The following DLGAP3 variants were observed in gnomAD, a reference collection of about 807,000 sequenced individuals.
DLGAP3 encodes the protein disks large-associated protein 3.
In DLGAP3, 17 loss-of-function variants were observed where a neutral mutation model predicts 81.2. The observed-to-expected ratio is 0.21, with a 90% CI of 0.14 to 0.31. The LOEUF (loss-of-function observed/expected upper bound fraction) is 0.31. DLGAP3 is among the 10% of genes least tolerant of loss of function. The pLI is 1.00. For missense variants in DLGAP3, 1,124 were observed against 1,388.0 expected (o/e 0.81, Z 3.02); for synonymous variants, 577 against 587.4 (o/e 0.98, Z 0.26).
chr1:34,916,665 TA>T (rs1639720989), intron 1 of DLGAP3, among the ~76,000 whole-genome samples: 1 of 13,992 alleles, frequency 7.1e-5, no homozygotes, highest in East Asian at 2.9e-3. Context: ...TATTTTATTT[TA>T]TTTTATTTTA....
intron 8 of DLGAP3, among the ~76,000 whole-genome samples, chr1:34,882,456 C>G (rs113100144): frequency 6.6e-6 from 1 of 151,882 alleles, no homozygotes; most frequent in African/African-American, 2.4e-5. Flanking sequence ...CCAGCCTGGA[C>G]GACAAGAGCA....
chr1:34,873,714 C>T lies in DLGAP3; in HGVS notation c.2001-4625G>A, dbSNP rs765605336. On this transcript the variant is annotated intron_variant, in intron 8 of 11. Coordinates refer to ENST00000373347, the MANE Select transcript of DLGAP3 (RefSeq NM_001080418.3). The surrounding 1 kb of genome is among the most constrained non-coding windows in gnomAD (Gnocchi z 4.2). ...TTGATCATTTCCATCTGTTCTCCCA[C>T]AGCGCTTTGAACAAAACTCTTTTAT... Among the ~76,000 whole-genome samples, 1 of 152,194 alleles carries T rather than the reference C, an allele frequency of 6.6e-6. No homozygotes were observed. Among genetic ancestry groups the T allele is most frequent in the Non-Finnish European group, 1.5e-5 (1 of 68,040 alleles).
intron 1 of DLGAP3, among the ~76,000 whole-genome samples, chr1:34,912,392 C>T (rs2148416256): frequency 6.6e-6 from 1 of 152,314 alleles, no homozygotes; most frequent in Middle Eastern, 3.4e-3. Flanking sequence ...GCATTTGGCA[C>T]AAAGTGATGC....
Position 34,905,398 on chromosome 1 carries a change from C to T in DLGAP3, c.-15G>A, listed in dbSNP as rs971305883. 1.9e-6 allele frequency: 3 copies of T among 1,548,470 alleles called. No individual in the cohort carries two copies. The highest frequency in any genetic ancestry group is 1.4e-5 in the African/African-American group (1 of 73,064). ...TAACCCCTCATGGCCTCAGCAAAGG[C>T]TCTTCATAGTCTTGGGGGCCAGGCC... On this transcript the variant is annotated 5_prime_UTR_variant, in exon 3 of 12. Transcript: ENST00000373347.
intron 2 of DLGAP3, among the ~76,000 whole-genome samples, chr1:34,906,820 G>C (rs1639563013): frequency 6.6e-6 from 1 of 152,176 alleles, no homozygotes; most frequent in Non-Finnish European, 1.5e-5. Flanking sequence ...GACTTGCCAA[G>C]GCTACAGGAC....
intron 6 of DLGAP3, 25 bp downstream of exon 6, chr1:34,886,047 G>A (rs1211958560): frequency 1.3e-6 from 2 of 1,576,400 alleles, no homozygotes; most frequent in Admixed American, 1.9e-5. Context: ...CTAGGGCCGG[G>A]CCAGGGGCAG....
chr1:34,919,236 G>A (rs1318113896), intron 1 of DLGAP3, among the ~76,000 whole-genome samples: 1 of 152,154 alleles, frequency 6.6e-6, no homozygotes, highest in Non-Finnish European at 1.5e-5. Flanking sequence ...GCAGGTCCGG[G>A]GGAGGAAGTG....
intron 1 of DLGAP3, among the ~76,000 whole-genome samples, chr1:34,928,025 A>C (rs1323924850): frequency 6.6e-6 from 1 of 152,232 alleles, no homozygotes; most frequent in South Asian, 2.1e-4. Flanking sequence ...AAACAGTTGA[A>C]TATTGCAGTT....
At chr1:34,927,090 C>G (rs1385791087) in intron 1 of DLGAP3, among the ~76,000 whole-genome samples, 1 of 152,196 alleles carries the variant, frequency 6.6e-6, no homozygotes, top group African/African-American at 2.4e-5. Context: ...CAAGACAAGA[C>G]AAGCCCATGG....
At chr1:34,893,000 G>A (rs541425879) in intron 5 of DLGAP3, among the ~76,000 whole-genome samples, 21 of 151,164 alleles carry the variant, frequency 1.4e-4, no homozygotes, top group Admixed American at 4.0e-4. Context: ...GTGAAACCCC[G>A]TCTCTACTAA....
At chr1:34,920,918 T>C (rs1035914973) in intron 1 of DLGAP3, among the ~76,000 whole-genome samples, 1 of 152,050 alleles carries the variant, frequency 6.6e-6, no homozygotes, top group African/African-American at 2.4e-5. Context: ...ATAATAGTAA[T>C]AATAATGGAG....
chr1:34,909,813 A>G (rs1225449404), intron 1 of DLGAP3, among the ~76,000 whole-genome samples: 1 of 152,092 alleles, frequency 6.6e-6, no homozygotes, highest in Non-Finnish European at 1.5e-5. Context: ...ACCATGCTCT[A>G]TGGATTTTGC....
At chr1:34,869,480 ATTTTTTT>A (rs71029050) in intron 8 of DLGAP3, among the ~76,000 whole-genome samples, 26 of 69,284 alleles carry the variant, frequency 3.8e-4, no homozygotes, top group African/African-American at 1.1e-3. Context: ...AGATATTTCA[ATTTTTTT>A]TTTTTTTTTT....
intron 5 of DLGAP3, among the ~76,000 whole-genome samples, chr1:34,890,979 C>G (rs1639302679): frequency 6.6e-6 from 1 of 152,152 alleles, no homozygotes; most frequent in Non-Finnish European, 1.5e-5. Context: ...TCTGTTAAAG[C>G]AGCCAGTGCT....
At chr1:34,906,283 C>T (rs1373839151) in intron 2 of DLGAP3, among the ~76,000 whole-genome samples, 1 of 151,782 alleles carries the variant, frequency 6.6e-6, no homozygotes, top group Non-Finnish European at 1.5e-5. Context: ...TTTTAACAAG[C>T]TGGCATTAGG....
chr1:34,887,735 C>T (rs1639256269), intron 5 of DLGAP3, among the ~76,000 whole-genome samples: 1 of 152,212 alleles, frequency 6.6e-6, no homozygotes, highest in Admixed American at 6.5e-5. Context: ...CTCCTAGATT[C>T]AAGTGCTGGC....
chr1:34,908,422 A>G (rs183117000), intron 1 of DLGAP3, among the ~76,000 whole-genome samples: 75 of 152,362 alleles, frequency 4.9e-4, no homozygotes, highest in African/African-American at 1.7e-3. Flanking sequence ...GGAGGAAACA[A>G]CAAGCACAGG....
chr1:34,905,525 A>T, intron 2 of DLGAP3, 91 bp from the exon 3 acceptor site: 1 of 844,222 alleles, frequency 1.2e-6, no homozygotes, highest in East Asian at 2.8e-5. Flanking sequence ...CCCTTTAGGT[A>T]ATACATATCA....
chr1:34,899,579 G>A (rs1366563909), intron 5 of DLGAP3, 90 bp downstream of exon 5: 3 of 1,186,952 alleles, frequency 2.5e-6, no homozygotes, highest in Non-Finnish European at 3.8e-6. Context: ...TCTCTCCACA[G>A]GCAGACCCTC....
Sources: gnomAD v4.1 joint callset for allele counts (sites outside exome capture counted in the v4.1 genomes callset) on GRCh38, gnomAD v4.1.1 for gene constraint, Gnocchi (gnomAD v3.1) non-coding constraint, MANE v1.5 for transcripts, NCBI Gene and HGNC (gene_info 2026-07-23, HGNC 2026-07-21) for gene names.